Variants in STX12 observed in about 807,000 individuals in gnomAD.
STX12 encodes the protein syntaxin-12.
STX12 carries 17 observed loss-of-function variants against 42.2 expected under a neutral mutation model. The ratio of observed to expected loss-of-function variants is 0.40; its 90% CI spans 0.28 to 0.60. The LOEUF (loss-of-function observed/expected upper bound fraction) is 0.60. Among genes scored for constraint, STX12 ranks in the 20% least tolerant of loss-of-function variants. STX12 has a pLI of 0.39. For synonymous variants in STX12, 108 were observed against 116.7 expected (o/e 0.93, Z 0.48); for missense variants, 297 against 330.9 (o/e 0.90, Z 0.79).
intron 2 of STX12, among the ~76,000 whole-genome samples, chr1:27,792,907 C>T (rs905264234): frequency 1.3e-5 from 2 of 152,150 alleles, no homozygotes. Flanking sequence ...TCTTCAATTC[C>T]CCTTCCTCCC....
At chr1:27,797,886 A>C (rs934488294) in intron 3 of STX12, among the ~76,000 whole-genome samples, 1 of 151,818 alleles carries the variant, frequency 6.6e-6, no homozygotes, top group Non-Finnish European at 1.5e-5. Context: ...ACACACACAC[A>C]CACACACACA....
At chr1:27,789,366 T>C (rs575799496) in intron 1 of STX12, among the ~76,000 whole-genome samples, 196 bp from the exon 2 acceptor site, 43 of 152,212 alleles carry the variant, frequency 2.8e-4, no homozygotes, top group Non-Finnish European at 3.8e-4. Flanking sequence ...ACAGTTACTC[T>C]ATAGGAGAAA....
At chr1:27,816,441 T>C (rs2088941991) in intron 6 of STX12, among the ~76,000 whole-genome samples, 1 of 151,790 alleles carries the variant, frequency 6.6e-6, no homozygotes, top group South Asian at 2.1e-4. Context: ...GCCACTGCAC[T>C]CCAGCCTGGA....
intron 1 of STX12, among the ~76,000 whole-genome samples, chr1:27,786,213 G>A (rs1317192696): frequency 1.3e-5 from 2 of 152,142 alleles, no homozygotes; most frequent in East Asian, 3.8e-4. Flanking sequence ...CCTCTCTGCT[G>A]TCTCTTGCTC....
chr1:27,808,308 G>T (rs559061928), intron 4 of STX12, among the ~76,000 whole-genome samples: 5 of 145,720 alleles, frequency 3.4e-5, no homozygotes, highest in East Asian at 2.0e-4. Flanking sequence ...TTTTTGCTTT[G>T]TTTTTTATTT....
chr1:27,791,664 A>C (rs557138346), intron 2 of STX12, among the ~76,000 whole-genome samples: 115 of 151,934 alleles, frequency 7.6e-4, no homozygotes, highest in African/African-American at 2.7e-3. Context: ...AAATACAAAA[A>C]ATTAGCCAGG....
chr1:27,805,002 A>G (rs952332200), intron 4 of STX12, among the ~76,000 whole-genome samples: 1 of 152,162 alleles, frequency 6.6e-6, no homozygotes, highest in Non-Finnish European at 1.5e-5. Context: ...ATGAGTGCGG[A>G]GAGAAGGGGA....
chr1:27,787,383 G>A (rs573046703), intron 1 of STX12, among the ~76,000 whole-genome samples: 1 of 152,148 alleles, frequency 6.6e-6, no homozygotes, highest in Non-Finnish European at 1.5e-5. Flanking sequence ...TACTGGCCGG[G>A]TGCAGTGGCT....
At chr1:27,811,301 C>T (rs1419498795) in intron 5 of STX12, among the ~76,000 whole-genome samples, 1 of 122,856 alleles carries the variant, frequency 8.1e-6, no homozygotes, top group African/African-American at 3.2e-5. Context: ...GAGCGAAACT[C>T]CGTCTCAAAA....
chr1:27,814,636 G>A (rs971104641), intron 6 of STX12, among the ~76,000 whole-genome samples: 5 of 152,022 alleles, frequency 3.3e-5, no homozygotes, highest in Non-Finnish European at 7.4e-5. Flanking sequence ...CTCACCTGAG[G>A]TCTGGAGTTC....
intron 1 of STX12, among the ~76,000 whole-genome samples, chr1:27,784,697 A>G (rs1175231357): frequency 3.9e-5 from 6 of 152,188 alleles, no homozygotes; most frequent in South Asian, 2.1e-4. Context: ...ATAGAGGGCA[A>G]TATACAAAAA....
chr1:27,818,005 T>C (rs536282037), intron 7 of STX12, 82 bp downstream of exon 7: 16 of 1,218,792 alleles, frequency 1.3e-5, no homozygotes, highest in Non-Finnish European at 1.8e-5. Flanking sequence ...CTCAGAAGGC[T>C]GAGGCTGAAG....
At chr1:27,815,965 C>T (rs2088938268) in intron 6 of STX12, among the ~76,000 whole-genome samples, 1 of 151,788 alleles carries the variant, frequency 6.6e-6, no homozygotes. Context: ...CAGTTGAGGT[C>T]AGGAATTCGA....
At chr1:27,773,775 T>C (rs888274098) in intron 1 of STX12, 15 of 235,978 alleles carry the variant, frequency 6.4e-5, no homozygotes, top group Middle Eastern at 3.3e-3. Flanking sequence ...GTTTCTCCTG[T>C]CACCCACCTT....
chr1:27,799,079 T>C (rs935789891), intron 3 of STX12, among the ~76,000 whole-genome samples: 1 of 152,220 alleles, frequency 6.6e-6, no homozygotes, highest in Non-Finnish European at 1.5e-5. Flanking sequence ...CTCCCCGTTA[T>C]TGTTATAATT....
At chr1:27,801,611 A>C (rs2088828914) in intron 3 of STX12, 67 bp from the exon 4 acceptor site, 6 of 1,420,912 alleles carry the variant, frequency 4.2e-6, no homozygotes, top group Non-Finnish European at 5.5e-6. Flanking sequence ...TTTTACTTTT[A>C]AGGGAAATTA....
chr1:27,791,909 G>A (rs901382221), intron 2 of STX12, among the ~76,000 whole-genome samples: 6 of 150,940 alleles, frequency 4.0e-5, no homozygotes, highest in African/African-American at 1.2e-4. Context: ...ACTTGAACCC[G>A]GGAGGCGAAG....
chr1:27,778,863 G>A (rs550394814), intron 1 of STX12, among the ~76,000 whole-genome samples: 9 of 151,992 alleles, frequency 5.9e-5, no homozygotes, highest in Non-Finnish European at 1.0e-4. Flanking sequence ...GGGCTTTAGC[G>A]ATCCTCTTAC....
In STX12 at chr1:27,773,219, C is replaced by T. The variant is rs1388893041; in HGVS notation, c.-89C>T. On this transcript the variant is annotated 5_prime_UTR_variant, in exon 1 of 9. Transcript: ENST00000373943. ...TAGCTCCTTCCCCGCCCTTGCTCTTCCCAGTTTCTCCGTCAGCCTGCGGGT... is the reference window on the plus strand; with the variant it reads ...TAGCTCCTTCCCCGCCCTTGCTCTTTCCAGTTTCTCCGTCAGCCTGCGGGT... 3 of 847,660 alleles carry T rather than the reference C, an allele frequency of 3.5e-6. No individual in the cohort carries two copies. Among genetic ancestry groups the T allele is most frequent in the Non-Finnish European group, 5.7e-6 (3 of 524,956 alleles). 52.5% of individuals were successfully genotyped at this position (847,660 alleles called of 1,614,324 possible). A position where few individuals can be genotyped will look rare whatever the true frequency, so the allele number is the denominator to read the frequency against.
Sources: gnomAD v4.1 joint callset for allele counts (sites outside exome capture counted in the v4.1 genomes callset) on GRCh38, gnomAD v4.1.1 for gene constraint, MANE v1.5 for transcripts, NCBI Gene and HGNC (gene_info 2026-07-23, HGNC 2026-07-21) for gene names.